Variants in SLC11A2 observed in about 807,000 individuals in gnomAD.
SLC11A2 encodes solute carrier family 11 member 2.
Under a neutral mutation model 68.0 loss-of-function variants are expected in SLC11A2, and 38 were observed. That is an observed-to-expected ratio of 0.56 (90% CI 0.43 to 0.73). The LOEUF (loss-of-function observed/expected upper bound fraction) is 0.73, where lower values mean the gene tolerates loss of function less well. SLC11A2 is among the 30% of genes least tolerant of loss of function. SLC11A2 has a pLI of 0.00. For synonymous variants in SLC11A2, 242 were observed against 250.6 expected, an observed-to-expected ratio of 0.97 and a Z score of 0.32; for missense variants, 517 against 690.5, an observed-to-expected ratio of 0.75 and a Z score of 2.82.
the SLC11A2 span, chr12:50,970,562 A>G: frequency 2.7e-6 from 3 of 1,098,666 alleles, no homozygotes; most frequent in Non-Finnish European, 4.0e-6. Flanking sequence ...ATTTATTATG[A>G]AGAATAAATT....
upstream of SLC11A2, among the ~76,000 whole-genome samples, chr12:51,026,840 G>A (rs1438261846): frequency 6.6e-6 from 1 of 151,928 alleles, no homozygotes; most frequent in Non-Finnish European, 1.5e-5. Context: ...ATACCAGCCT[G>A]GGCAACATAG....
rs57569917 is a variant in SLC11A2 at position 51,001,585 on chromosome 12, C to CA, written c.430-1167dup. On this transcript the variant is annotated intron_variant, in intron 5 of 15. Transcript: ENST00000262052. ...TACGTTCTTAATAAACTTGCTTTCA[C>CA]AAAAAAAAAAAAAAAAAGAAAGAAA... is the stretch of plus-strand genomic sequence containing the variant. 7.1e-3 allele frequency among the ~76,000 whole-genome samples: 773 copies of CA among 109,136 alleles called. 4 individuals are homozygous for CA. Among genetic ancestry groups the CA allele is most frequent in the African/African-American group, 0.019 (573 of 29,704 alleles). The allele number at this position is 109,136 out of a possible 152,430, so 71.6% of individuals were successfully genotyped here.
chr12:50,994,517 A>G, intron 11 of SLC11A2, 27 bp downstream of exon 11: 1 of 1,453,690 alleles, frequency 6.9e-7, no homozygotes, highest in South Asian at 1.1e-5. Flanking sequence ...ATTCAGGAAC[A>G]AAGATCACAA....
chr12:51,018,265 G>C (rs2136385244), intron 1 of SLC11A2, among the ~76,000 whole-genome samples: 1 of 152,002 alleles, frequency 6.6e-6, no homozygotes, highest in East Asian at 1.9e-4. Flanking sequence ...CGTGGTTGTG[G>C]GTGCCTGTAA....
At chr12:50,968,570 G>T in the SLC11A2 span, among the ~76,000 whole-genome samples, 2 of 151,850 alleles carry the variant, frequency 1.3e-5, no homozygotes, top group South Asian at 4.2e-4. Context: ...TTTGTTTTGA[G>T]ATGGAGTCTC....
chr12:50,976,215 C>T (rs1372365723), downstream of SLC11A2, among the ~76,000 whole-genome samples: 8 of 152,136 alleles, frequency 5.3e-5, no homozygotes, highest in Non-Finnish European at 8.8e-5. Context: ...ACCAATATCC[C>T]TGATGAACAT....
At chr12:50,970,599 C>G in the SLC11A2 span, 1 of 740,808 alleles carries the variant, frequency 1.3e-6, no homozygotes, top group African/African-American at 1.8e-5. Flanking sequence ...TTTTACTACA[C>G]AAGTGTCACA....
rs1940663285 is a variant in SLC11A2, at chr12:50,987,170, T to A, written c.*1155A>T. On this transcript the variant is annotated 3_prime_UTR_variant, in exon 16 of 16. Transcript: ENST00000262052. Reference sequence around the variant, plus strand: ...CTCCACCATCTGGTCTCAAGATTTTTCCCTCTGAGGAAACAGCTGTAGAGA... The same window carrying A: ...CTCCACCATCTGGTCTCAAGATTTTACCCTCTGAGGAAACAGCTGTAGAGA... The A allele has an allele frequency of 7.8e-7, 1 of 1,283,824 alleles. No individual in the cohort carries two copies. Among genetic ancestry groups the A allele is most frequent in the Non-Finnish European group, 1.0e-6 (1 of 986,634 alleles). 79.5% of individuals were successfully genotyped at this position (1,283,824 alleles called of 1,614,324 possible).
chr12:50,986,128 T>A lies in SLC11A2; in HGVS notation c.*2197A>T. The A allele has an allele frequency of 7.8e-7, 1 of 1,286,578 alleles. No homozygotes were observed. The highest frequency in any genetic ancestry group is 1.0e-6 in the Non-Finnish European group (1 of 988,150). 79.7% of individuals were successfully genotyped at this position (1,286,578 alleles called of 1,614,324 possible). On this transcript the variant is annotated 3_prime_UTR_variant, in exon 16 of 16. Transcript: ENST00000262052. ...CCAAGAGCTCTTCCCTTTTCCCCTG[T>A]TAATTTCCAGTATAATGTAGCAGCA... is the stretch of plus-strand genomic sequence containing the variant.
intron 3 of SLC11A2, chr12:51,008,198 C>G (rs1472538435): frequency 2.8e-6 from 1 of 356,820 alleles, no homozygotes; most frequent in Non-Finnish European, 5.2e-6. Flanking sequence ...GAGCAAGACC[C>G]TGTCTGTAAA....
the SLC11A2 span, among the ~76,000 whole-genome samples, chr12:50,973,241 C>T: frequency 3.9e-5 from 6 of 152,168 alleles, no homozygotes; most frequent in Non-Finnish European, 5.9e-5. Context: ...AGGCACCCCC[C>T]AGTAGGGGCA....
chr12:51,008,401 G>T, intron 3 of SLC11A2, 75 bp downstream of exon 3: 1 of 1,291,278 alleles, frequency 7.7e-7, no homozygotes, highest in Non-Finnish European at 1.1e-6. Flanking sequence ...TGCTGAACTT[G>T]AGCCATCCAG....
chr12:50,967,615 G>T, the SLC11A2 span, among the ~76,000 whole-genome samples: 3 of 152,150 alleles, frequency 2.0e-5, no homozygotes, highest in South Asian at 4.1e-4. Context: ...GCTACTAAAT[G>T]CCATGGACTG....
At chr12:50,981,902 T>C, downstream of SLC11A2, 2 of 594,732 alleles carry the variant, frequency 3.4e-6, no homozygotes, top group Non-Finnish European at 5.7e-6. Context: ...TTAGGCCTTT[T>C]TTTCTGTACT....
intron 3 of SLC11A2, chr12:51,005,944 C>T (rs561247229): frequency 3.4e-5 from 11 of 327,602 alleles, no homozygotes; most frequent in Non-Finnish European, 6.5e-5. Context: ...AGGGGTCAGA[C>T]AAACCTCATT....
At chr12:50,990,743 C>T in intron 15 of SLC11A2, 52 bp downstream of exon 15, 7 of 1,589,932 alleles carry the variant, frequency 4.4e-6, no homozygotes, top group Non-Finnish European at 6.0e-6. Flanking sequence ...CAGTGAACCC[C>T]ACCTCAACCA....
chr12:51,001,585 CAAA>C (rs57569917), intron 5 of SLC11A2, among the ~76,000 whole-genome samples: 56 of 109,162 alleles, frequency 5.1e-4, no homozygotes, highest in South Asian at 1.0e-3. Context: ...CTTGCTTTCA[CAAA>C]AAAAAAAAAA....
At chr12:50,982,477 A>C (rs992547608), downstream of SLC11A2, among the ~76,000 whole-genome samples, 1 of 152,134 alleles carries the variant, frequency 6.6e-6, no homozygotes, top group Non-Finnish European at 1.5e-5. Context: ...TACAAAAAAA[A>C]TTAGCTGGGT....
downstream of SLC11A2, chr12:50,979,700 T>C (rs1324341377): frequency 2.6e-6 from 1 of 380,292 alleles, no homozygotes; most frequent in Non-Finnish European, 5.2e-6. Flanking sequence ...GGCCCTGAAG[T>C]AGAAATGAGG....
Sources: gnomAD v4.1 joint callset for allele counts (sites outside exome capture counted in the v4.1 genomes callset) on GRCh38, gnomAD v4.1.1 for gene constraint, MANE v1.5 for transcripts, NCBI Gene and HGNC (gene_info 2026-07-23, HGNC 2026-07-21) for gene names.